XIAP: variants seen among roughly 807,000 people sequenced by gnomAD.
XIAP encodes the protein E3 ubiquitin-protein ligase XIAP.
A neutral mutation model predicts 33.1 loss-of-function variants in XIAP; 3 were observed. That is an observed-to-expected ratio of 0.09 (90% CI 0.04 to 0.23). The LOEUF (loss-of-function observed/expected upper bound fraction) is 0.23, where lower values mean the gene tolerates loss of function less well. XIAP is among the 10% of genes least tolerant of loss of function. The probability of loss-of-function intolerance (pLI) is 1.00; values close to 1 mark genes in which losing one functional copy is unlikely to be tolerated. For missense variants in XIAP, 264 were observed against 363.0 expected (o/e 0.73, Z 2.22); for synonymous variants, 98 against 121.3 (o/e 0.81, Z 1.26).
chrX:123,878,279 A>G lies in XIAP; in HGVS notation c.-32-7352A>G, dbSNP rs2053265275. 3.5e-5 allele frequency among the ~76,000 whole-genome samples: 3 copies of G among 86,105 alleles called. No individual in the cohort carries two copies. The South Asian group carries it at 1.2e-3, about 35-fold the overall frequency. The allele number at this position is 86,105 out of a possible 115,157, so 74.8% of individuals were successfully genotyped here. On this transcript the variant is annotated intron_variant, in intron 1 of 6. Transcript: ENST00000371199. ...ATATACCATAAGATCCATTTAAAGT[A>G]TATAGTTCAGTGGCTTTTAGTATAT...
chrX:123,905,453 G>A (rs2053549991), intron 6 of XIAP, among the ~76,000 whole-genome samples: 1 of 111,536 alleles, frequency 9.0e-6, no homozygotes, highest in Non-Finnish European at 1.9e-5. Flanking sequence ...TTTGTACCCA[G>A]TTTTAGGTAT....
intron 5 of XIAP, among the ~76,000 whole-genome samples, chrX:123,894,958 A>AAGTAAGTC (rs199816630): frequency 1.4e-4 from 10 of 70,068 alleles, no homozygotes. Flanking sequence ...ATAAATAAGT[A>AAGTAAGTC]AATAAATAAA....
At chrX:123,866,636 TATATAATATATAACACA>T (rs2053141398) in intron 1 of XIAP, among the ~76,000 whole-genome samples, 1 of 103,350 alleles carries the variant, frequency 9.7e-6, no homozygotes, top group Non-Finnish European at 1.9e-5. Flanking sequence ...ATGTAAAATA[TATATAATATATAACACA>T]ATATAATATG....
intron 5 of XIAP, 149 bp downstream of exon 5, chrX:123,892,922 C>T: frequency 2.1e-6 from 1 of 481,609 alleles, no homozygotes; most frequent in South Asian, 3.2e-5. Flanking sequence ...CCGGGTTCAA[C>T]CGATTCTCCT....
At chrX:123,859,742 A>T (rs1028821404), upstream of XIAP, 26 of 184,096 alleles carry the variant, frequency 1.4e-4, no homozygotes, top group Non-Finnish European at 2.1e-4. Flanking sequence ...GCGCTAGGTC[A>T]GCTTCTCGGT....
chrX:123,898,711 G>A (rs1294249397), intron 5 of XIAP, among the ~76,000 whole-genome samples: 2 of 107,633 alleles, frequency 1.9e-5, no homozygotes, highest in Admixed American at 2.0e-4. Flanking sequence ...GACCAGGGTG[G>A]TTTCAAACTC....
At chrX:123,870,932 TTGTGTG>T (rs1391154617) in intron 1 of XIAP, among the ~76,000 whole-genome samples, 1 of 110,216 alleles carries the variant, frequency 9.1e-6, no homozygotes, top group Non-Finnish European at 1.9e-5. Context: ...CCATCTCTTT[TTGTGTG>T]TGCGTGTGTG....
intron 1 of XIAP, among the ~76,000 whole-genome samples, chrX:123,877,318 C>T (rs1267707997): frequency 2.7e-5 from 3 of 111,729 alleles, no homozygotes; most frequent in African/African-American, 6.5e-5. Context: ...CCGCCTGCCT[C>T]GGCCTCCCAA....
chrX:123,884,826 T>C (rs1168691664), intron 1 of XIAP, among the ~76,000 whole-genome samples: 2 of 111,395 alleles, frequency 1.8e-5, no homozygotes, highest in Non-Finnish European at 3.8e-5. Flanking sequence ...AATTACCAGC[T>C]GTAATTTGGC....
chrX:123,904,028 T>TA (rs1346736024), intron 6 of XIAP, among the ~76,000 whole-genome samples: 12 of 111,984 alleles, frequency 1.1e-4, no homozygotes, highest in African/African-American at 3.9e-4. Flanking sequence ...CCCTGGCAAC[T>TA]ACCATTTTAC....
At chrX:123,873,000 A>G (rs1300710563) in intron 1 of XIAP, 5 of 109,318 alleles carry the variant, frequency 4.6e-5, no homozygotes, top group African/African-American at 1.7e-4. Context: ...AGCTGGGACT[A>G]CAGGCATGTG....
rs751933474 is a variant in XIAP at position 123,912,339 on chromosome X, G to A, written c.*5158G>A. On this transcript the variant is annotated 3_prime_UTR_variant, in exon 7 of 7. Transcript: ENST00000371199. ...CTATTTACATAGCATTAAGGTTGGT[G>A]CAAAAATGCAAAAAAAAAAAAAGCA... 3 of 299,428 alleles carry A rather than the reference G, an allele frequency of 1.0e-5. No individual in the cohort carries two copies. The highest frequency in any genetic ancestry group is 1.9e-5 in the Non-Finnish European group (3 of 159,475). The allele number at this position is 299,428 out of a possible 1,213,427, so 24.7% of individuals were successfully genotyped here. A position where few individuals can be genotyped will look rare whatever the true frequency, so the allele number is the denominator to read the frequency against.
chrX:123,882,522 A>G (rs1316979340), intron 1 of XIAP, among the ~76,000 whole-genome samples: 5 of 111,501 alleles, frequency 4.5e-5, no homozygotes, highest in Admixed American at 3.9e-4. Context: ...CTCCCTAAGG[A>G]TGTTAAACTT....
chrX:123,863,415 A>G (rs1342004439), intron 1 of XIAP, among the ~76,000 whole-genome samples: 1 of 109,199 alleles, frequency 9.2e-6, no homozygotes, highest in Non-Finnish European at 1.9e-5. Flanking sequence ...CGCAACATTC[A>G]ACTCCAGCCT....
At position 123,910,559 on chromosome X, in the gene XIAP, A is replaced by C. The variant is rs771615294; in HGVS notation, c.*3378A>C. 21 of 327,252 alleles carry C rather than the reference A, an allele frequency of 6.4e-5. No individual in the cohort carries two copies. The highest frequency in any genetic ancestry group is 5.2e-4 in the South Asian group (20 of 38,296). 27.0% of individuals were successfully genotyped at this position (327,252 alleles called of 1,213,427 possible). On this transcript the variant is annotated 3_prime_UTR_variant, in exon 7 of 7. Coordinates refer to ENST00000371199, the MANE Select transcript of XIAP (RefSeq NM_001167.4). ...ATATACTATGGGATGTATATATATC[A>C]TTGCTGTTAGAGAAATGAAATAAAA...
At chrX:123,900,457 T>A in intron 5 of XIAP, 36 bp from the exon 6 acceptor site, 1 of 1,107,933 alleles carries the variant, frequency 9.0e-7, no homozygotes, top group Non-Finnish European at 1.2e-6. Context: ...ATTGTTTAAA[T>A]TCTATGTTCT....
chrX:123,895,276 G>T (rs2053449725), intron 5 of XIAP, among the ~76,000 whole-genome samples: 1 of 111,864 alleles, frequency 8.9e-6, no homozygotes, highest in Non-Finnish European at 1.9e-5. Flanking sequence ...GCATATATGA[G>T]TACTTCATTC....
chrX:123,866,069 T>G (rs2053132164), intron 1 of XIAP, among the ~76,000 whole-genome samples: 1 of 110,758 alleles, frequency 9.0e-6, no homozygotes, highest in Admixed American at 9.8e-5. Context: ...GCCTCCCGAG[T>G]AGCTGGGATT....
rs970721295 is a variant in XIAP at position 123,911,508 on chromosome X, A to G, written c.*4327A>G. ...AAAAAAAAGATATAAATCACAATAA[A>G]TAAATAGGTCAATACAAATGTTAGC... On this transcript the variant is annotated 3_prime_UTR_variant, in exon 7 of 7. Transcript: ENST00000371199. 6.4e-6 allele frequency: 2 copies of G among 314,424 alleles called. No homozygotes were observed. Among genetic ancestry groups the G allele is most frequent in the Non-Finnish European group, 1.2e-5 (2 of 166,389 alleles). The allele number at this position is 314,424 out of a possible 1,213,427, so 25.9% of individuals were successfully genotyped here. A position where few individuals can be genotyped will look rare whatever the true frequency, so the allele number is the denominator to read the frequency against.
Sources: gnomAD v4.1 joint callset for allele counts (sites outside exome capture counted in the v4.1 genomes callset) on GRCh38, gnomAD v4.1.1 for gene constraint, MANE v1.5 for transcripts, NCBI Gene and HGNC (gene_info 2026-07-23, HGNC 2026-07-21) for gene names.